Variants in CTNNA3 observed in about 807,000 individuals in gnomAD.
CTNNA3 encodes the protein catenin alpha 3, also known as catenin alpha-3.
A neutral mutation model predicts 95.7 loss-of-function variants in CTNNA3; 76 were observed. The observed-to-expected ratio is 0.79, with a 90% CI of 0.66 to 0.96. The LOEUF is 0.96. CTNNA3 is among the 40% of genes least tolerant of loss of function. The probability of loss-of-function intolerance (pLI) is 0.00; values close to 1 mark genes in which losing one functional copy is unlikely to be tolerated. For synonymous variants in CTNNA3, 431 were observed against 374.4 expected, an observed-to-expected ratio of 1.15 and a Z score of -1.74; for missense variants, 1,191 against 1,089.8, an observed-to-expected ratio of 1.09 and a Z score of -1.31.
At chr10:66,036,111 C>T (rs1167662096) in intron 15 of CTNNA3, among the ~76,000 whole-genome samples, 1 of 152,076 alleles carries the variant, frequency 6.6e-6, no homozygotes, top group African/African-American at 2.4e-5. Context: ...TGCCTGACCC[C>T]CAGTTCTCTA....
intron 14 of CTNNA3, among the ~76,000 whole-genome samples, chr10:66,082,013 G>A (rs2080784934): frequency 1.3e-5 from 2 of 152,080 alleles, no homozygotes; most frequent in Non-Finnish European, 1.5e-5. Flanking sequence ...AGCTACTCTG[G>A]AGGCTGAGGC....
chr10:67,005,098 A>AT (rs1376967405), intron 7 of CTNNA3, among the ~76,000 whole-genome samples: 4 of 151,990 alleles, frequency 2.6e-5, no homozygotes, highest in Non-Finnish European at 5.9e-5. Context: ...CCTATGGATT[A>AT]TTTTTTTTCC....
chr10:67,618,358 G>A (rs10997759), intron 2 of CTNNA3, among the ~76,000 whole-genome samples: 19,677 of 152,176 alleles, frequency 0.13, 1,390 homozygotes, highest in Non-Finnish European at 0.16. Context: ...GTAGAATATG[G>A]TTATGACTCC....
chr10:67,402,566 C>T (rs1844963862), intron 5 of CTNNA3, among the ~76,000 whole-genome samples: 1 of 152,234 alleles, frequency 6.6e-6, no homozygotes, highest in East Asian at 1.9e-4. Flanking sequence ...ATAACCAATC[C>T]ACAGAAAACA....
At chr10:67,269,118 G>A (rs75266796) in intron 5 of CTNNA3, among the ~76,000 whole-genome samples, 3,183 of 152,230 alleles carry the variant, frequency 0.021, 112 homozygotes, top group African/African-American at 0.071. Flanking sequence ...ATTCAGGGGA[G>A]TAGTAAAAAA....
At chr10:67,549,654 C>A (rs1031425339) in intron 3 of CTNNA3, among the ~76,000 whole-genome samples, 30 of 152,096 alleles carry the variant, frequency 2.0e-4, no homozygotes, top group Admixed American at 2.0e-3. Flanking sequence ...CCAAATCCAG[C>A]CTGCCCTGTT....
intron 1 of CTNNA3, among the ~76,000 whole-genome samples, chr10:67,691,753 A>G (rs372584368): frequency 0.059 from 8,705 of 148,142 alleles, 263 homozygotes; most frequent in South Asian, 0.1. Context: ...CTCGTCCGGG[A>G]GGGAGGTGGG....
At chr10:66,207,561 C>T (rs2087842688) in intron 13 of CTNNA3, among the ~76,000 whole-genome samples, 1 of 151,928 alleles carries the variant, frequency 6.6e-6, no homozygotes, top group South Asian at 2.1e-4. Flanking sequence ...TTCCTAGCCC[C>T]CAAATAAACC....
chr10:67,499,637 G>A (rs551580337), intron 5 of CTNNA3, among the ~76,000 whole-genome samples: 5 of 152,182 alleles, frequency 3.3e-5, no homozygotes, highest in South Asian at 4.1e-4. Flanking sequence ...TCAGGGATTC[G>A]ACTTCTTCCT....
At chr10:67,106,654 G>C (rs543297648) in intron 7 of CTNNA3, among the ~76,000 whole-genome samples, 1 of 152,216 alleles carries the variant, frequency 6.6e-6, no homozygotes, top group African/African-American at 2.4e-5. Flanking sequence ...ATAACATATA[G>C]CTATTAAATT....
At chr10:67,151,460 G>C (rs767314923) in intron 7 of CTNNA3, among the ~76,000 whole-genome samples, 8 of 152,084 alleles carry the variant, frequency 5.3e-5, no homozygotes, top group Non-Finnish European at 8.8e-5. Context: ...ACTTTAATTA[G>C]GTTTATAAAC....
intron 5 of CTNNA3, among the ~76,000 whole-genome samples, chr10:67,336,553 C>G (rs914495723): frequency 1.3e-5 from 2 of 152,174 alleles, no homozygotes; most frequent in Non-Finnish European, 2.9e-5. Context: ...AGTGGCTACA[C>G]TAAACAACAG....
intron 5 of CTNNA3, among the ~76,000 whole-genome samples, chr10:67,313,126 C>T (rs1056931635): frequency 2.0e-5 from 3 of 152,110 alleles, no homozygotes; most frequent in Non-Finnish European, 4.4e-5. Flanking sequence ...CTACTAATAA[C>T]TGTGGCCATT....
intron 6 of CTNNA3, among the ~76,000 whole-genome samples, chr10:67,216,252 T>C (rs1037109729): frequency 1.4e-4 from 22 of 152,158 alleles, no homozygotes; most frequent in African/African-American, 5.1e-4. Flanking sequence ...GAACTCTGAC[T>C]AAGGCTGGAC....
At chr10:66,329,850 T>C (rs1294161672) in intron 12 of CTNNA3, among the ~76,000 whole-genome samples, 2 of 152,184 alleles carry the variant, frequency 1.3e-5, no homozygotes, top group East Asian at 3.9e-4. Flanking sequence ...AATTGGACTG[T>C]AAATTAAATT....
At chr10:67,648,698 C>A in intron 1 of CTNNA3, 1 of 1,262,924 alleles carries the variant, frequency 7.9e-7, no homozygotes, top group South Asian at 1.3e-5. Context: ...TATGATACAT[C>A]AACATATAAA....
chr10:66,461,221 A>T (rs1354239108), intron 11 of CTNNA3, among the ~76,000 whole-genome samples: 3 of 152,116 alleles, frequency 2.0e-5, no homozygotes, highest in Non-Finnish European at 4.4e-5. Context: ...AGGGTATCTG[A>T]TAAAGACTGA....
chr10:65,988,641 C>T, intron 16 of CTNNA3, 51 bp downstream of exon 16: 1 of 1,435,448 alleles, frequency 7.0e-7, no homozygotes, highest in Non-Finnish European at 9.8e-7. Context: ...GTTCTAATGG[C>T]AAAGAGCAAT....
At chr10:66,757,674 T>A (rs1409088710) in intron 9 of CTNNA3, among the ~76,000 whole-genome samples, 3 of 152,190 alleles carry the variant, frequency 2.0e-5, no homozygotes, top group Non-Finnish European at 4.4e-5. Context: ...ATGTACTCAA[T>A]AGCAGGTCTC....
Sources: allele counts gnomAD v4.1 joint callset (sites outside exome capture counted in the v4.1 genomes callset), GRCh38; gene constraint gnomAD v4.1.1; transcripts MANE v1.5; gene names NCBI Gene and HGNC (gene_info 2026-07-23, HGNC 2026-07-21).